Variants in PPIL4 observed in about 807,000 individuals in gnomAD.
The protein encoded by PPIL4 is peptidyl-prolyl cis-trans isomerase-like 4.
In PPIL4, 50 loss-of-function variants were observed where a neutral mutation model predicts 69.1. That is an observed-to-expected ratio of 0.72 (90% CI 0.58 to 0.92). PPIL4 has a LOEUF of 0.92. PPIL4 is among the 40% of genes least tolerant of loss of function. PPIL4 has a pLI of 0.00. For synonymous variants in PPIL4, 193 were observed against 191.6 expected, an observed-to-expected ratio of 1.01 and a Z score of -0.06; for missense variants, 480 against 587.9, an observed-to-expected ratio of 0.82 and a Z score of 1.90.
chr6:149,532,217 T>C (rs1777210246), intron 7 of PPIL4, among the ~76,000 whole-genome samples: 1 of 152,308 alleles, frequency 6.6e-6, no homozygotes, highest in East Asian at 1.9e-4. Context: ...ATGTTAAAAA[T>C]TGGTGAATGT....
At chr6:149,537,608 G>A (rs1221146701) in intron 4 of PPIL4, among the ~76,000 whole-genome samples, 1 of 152,030 alleles carries the variant, frequency 6.6e-6, no homozygotes, top group East Asian at 1.9e-4. Context: ...TTGGGAGGCT[G>A]AGGCAGGAGA....
At chr6:149,507,531 G>A (rs932572635) in intron 12 of PPIL4, among the ~76,000 whole-genome samples, 6 of 151,644 alleles carry the variant, frequency 4.0e-5, no homozygotes, top group East Asian at 3.8e-4. Context: ...TGTACATCTT[G>A]TACTTATTTC....
intron 12 of PPIL4, among the ~76,000 whole-genome samples, chr6:149,511,895 C>A (rs1776848965): frequency 6.6e-6 from 1 of 152,186 alleles, no homozygotes; most frequent in African/African-American, 2.4e-5. Flanking sequence ...GGAGTATCCA[C>A]AGGTACGGAA....
At position 149,504,856 on chromosome 6, in the gene PPIL4, G is replaced by C. The variant is rs1776743419; in HGVS notation, c.*597C>G. 1 of 152,106 alleles carries C rather than the reference G, an allele frequency of 6.6e-6. No homozygotes were observed. The highest frequency in any genetic ancestry group is 6.5e-5 in the Admixed American group (1 of 15,268). 9.4% of individuals were successfully genotyped at this position (152,106 alleles called of 1,614,324 possible). ...TAAACAAAACTCAAATGTCCATCAA[G>C]AATGAATAAGTTGTAGTATATTTAT... On this transcript the variant is annotated 3_prime_UTR_variant, in exon 13 of 13. Transcript: ENST00000253329.
intron 7 of PPIL4, among the ~76,000 whole-genome samples, chr6:149,532,322 C>T (rs1167831002): frequency 2.0e-5 from 3 of 152,174 alleles, no homozygotes; most frequent in African/African-American, 7.2e-5. Flanking sequence ...AATCTATTTT[C>T]TTCTGGCATA....
At chr6:149,535,787 A>T in intron 4 of PPIL4, 49 bp from the exon 5 acceptor site, 2 of 1,367,270 alleles carry the variant, frequency 1.5e-6, no homozygotes, top group East Asian at 2.3e-5. Flanking sequence ...TACATAACTC[A>T]AACTGAAATC....
rs537794447 is a variant in PPIL4 at position 149,514,810 on chromosome 6, T to C, written c.1080-2508A>G. Among the ~76,000 whole-genome samples, 3 of 151,840 alleles carry C rather than the reference T, an allele frequency of 2.0e-5. No individual in the cohort carries two copies. The East Asian group carries it at 5.8e-4, about 29-fold the overall frequency. On this transcript the variant is annotated intron_variant, in intron 11 of 12. Transcript: ENST00000253329. ...TGTGTGAATGTTTGTACTGTGACTGTATTGGGTTAAGACAAAAACTGTATT... is the reference window on the plus strand; with the variant it reads ...TGTGTGAATGTTTGTACTGTGACTGCATTGGGTTAAGACAAAAACTGTATT...
At chr6:149,532,129 A>G (rs1777209299) in intron 7 of PPIL4, among the ~76,000 whole-genome samples, 1 of 152,238 alleles carries the variant, frequency 6.6e-6, no homozygotes, top group Non-Finnish European at 1.5e-5. Context: ...CAAATAGTCG[A>G]GAAAAAAAAT....
intron 12 of PPIL4, among the ~76,000 whole-genome samples, chr6:149,511,076 A>G (rs1356538028): frequency 6.6e-6 from 1 of 152,048 alleles, no homozygotes; most frequent in African/African-American, 2.4e-5. Context: ...TGCCTATCAT[A>G]CTACATTTCT....
At chr6:149,507,962 T>C (rs180999218) in intron 12 of PPIL4, among the ~76,000 whole-genome samples, 6 of 152,172 alleles carry the variant, frequency 3.9e-5, no homozygotes, top group Admixed American at 1.3e-4. Context: ...ATGAAAGTAG[T>C]GTAAGTGAAA....
chr6:149,533,700 A>G, intron 6 of PPIL4, 126 bp from the exon 7 acceptor site: 9 of 561,074 alleles, frequency 1.6e-5, no homozygotes, highest in Non-Finnish European at 2.8e-5. Context: ...GGTTGCAGTG[A>G]GCTACAATCA....
At position 149,505,274 on chromosome 6, in the gene PPIL4, G is replaced by A. The variant is rs1165045757; in HGVS notation, c.*179C>T. On this transcript the variant is annotated 3_prime_UTR_variant, in exon 13 of 13. Coordinates refer to ENST00000253329, the MANE Select transcript of PPIL4 (RefSeq NM_139126.4). Reference sequence around the variant, plus strand: ...AAATTAGTGTAAAAAAGTATACAAAGAAAATGTTCAATTCTTTATCTTTCC... The same window carrying A: ...AAATTAGTGTAAAAAAGTATACAAAAAAAATGTTCAATTCTTTATCTTTCC... 4 of 494,408 alleles carry A rather than the reference G, an allele frequency of 8.1e-6. No individual in the cohort carries two copies. Among genetic ancestry groups the A allele is most frequent in the South Asian group, 8.4e-5 (2 of 23,754 alleles). The allele number at this position is 494,408 out of a possible 1,614,324, so 30.6% of individuals were successfully genotyped here.
At chr6:149,521,619 A>T (rs1451751417) in intron 9 of PPIL4, among the ~76,000 whole-genome samples, 1 of 152,168 alleles carries the variant, frequency 6.6e-6, no homozygotes, top group African/African-American at 2.4e-5. Context: ...ACCTTTTTTT[A>T]TCCACTTAGT....
At chr6:149,544,752 G>T (rs941195397) in intron 1 of PPIL4, among the ~76,000 whole-genome samples, 3 of 152,184 alleles carry the variant, frequency 2.0e-5, no homozygotes, top group African/African-American at 7.2e-5. Context: ...CAAAAGAATG[G>T]TAACAATGGT....
At chr6:149,520,978 A>T in intron 10 of PPIL4, 82 bp downstream of exon 10, 1 of 742,686 alleles carries the variant, frequency 1.3e-6, no homozygotes, top group East Asian at 2.6e-5. Flanking sequence ...GTGCCACTGC[A>T]CTCCAGCCTG....
intron 12 of PPIL4, among the ~76,000 whole-genome samples, chr6:149,506,417 A>G (rs996952585): frequency 2.0e-5 from 3 of 152,222 alleles, no homozygotes; most frequent in African/African-American, 7.2e-5. Flanking sequence ...GGTTGCGGTG[A>G]GCCAAGATTG....
chr6:149,509,145 AT>A (rs546212989), intron 12 of PPIL4, among the ~76,000 whole-genome samples: 166 of 152,338 alleles, frequency 1.1e-3, no homozygotes, highest in African/African-American at 3.9e-3. Flanking sequence ...GGAGATCATT[AT>A]TCAGAATTTA....
chr6:149,537,264 G>A (rs1777292410), intron 4 of PPIL4, among the ~76,000 whole-genome samples: 1 of 152,160 alleles, frequency 6.6e-6, no homozygotes, highest in Non-Finnish European at 1.5e-5. Context: ...ATGCCACTTA[G>A]GACTTTCACA....
intron 11 of PPIL4, among the ~76,000 whole-genome samples, chr6:149,515,300 A>G (rs1296488537): frequency 6.6e-6 from 1 of 150,482 alleles, no homozygotes; most frequent in Non-Finnish European, 1.5e-5. Flanking sequence ...TTCTTAAATG[A>G]TGGATCATAC....
Sources: gnomAD v4.1 joint callset for allele counts (sites outside exome capture counted in the v4.1 genomes callset) on GRCh38, gnomAD v4.1.1 for gene constraint, MANE v1.5 for transcripts, NCBI Gene and HGNC (gene_info 2026-07-23, HGNC 2026-07-21) for gene names.